VAV1: variants seen among roughly 807,000 people sequenced by gnomAD.
VAV1 encodes vav guanine nucleotide exchange factor 1.
Under a neutral mutation model 128.1 loss-of-function variants are expected in VAV1, and 33 were observed. That is an observed-to-expected ratio of 0.26 (90% confidence interval 0.20 to 0.34). The LOEUF (loss-of-function observed/expected upper bound fraction) is 0.34, where lower values mean the gene tolerates loss of function less well. VAV1 is among the 10% of genes least tolerant of loss of function. VAV1 has a pLI of 1.00. For synonymous variants in VAV1, 394 were observed against 409.8 expected (o/e 0.96, Z 0.47); for missense variants, 715 against 1,093.7 (o/e 0.65, Z 4.88).
intron 23 of VAV1, among the ~76,000 whole-genome samples, chr19:6,849,821 T>G (rs1972621208): frequency 6.6e-6 from 1 of 152,188 alleles, no homozygotes; most frequent in African/African-American, 2.4e-5. Flanking sequence ...CCACATTTTC[T>G]TATCCAGTCC....
intron 6 of VAV1, among the ~76,000 whole-genome samples, chr19:6,823,508 A>G (rs1234637240): frequency 6.6e-6 from 1 of 151,328 alleles, no homozygotes; most frequent in Non-Finnish European, 1.5e-5. Context: ...AGATACAAAT[A>G]TATATTTTAT....
At chr19:6,827,776 T>TC (rs1971954705) in intron 9 of VAV1, among the ~76,000 whole-genome samples, 2 of 151,394 alleles carry the variant, frequency 1.3e-5, no homozygotes, top group South Asian at 4.2e-4. Context: ...TTTTTTTTTT[T>TC]CATAGCAGAG....
At chr19:6,821,518 G>A in intron 2 of VAV1, 104 bp from the exon 3 acceptor site, 2 of 1,370,092 alleles carry the variant, frequency 1.5e-6, no homozygotes, top group Non-Finnish European at 2.1e-6. Context: ...AGGCTTCCAA[G>A]AGGCATGGGA....
At chr19:6,844,060 C>CTTTTTTTTTTTTT (rs1972449326) in intron 22 of VAV1, among the ~76,000 whole-genome samples, 1 of 18,798 alleles carries the variant, frequency 5.3e-5, no homozygotes, top group African/African-American at 1.8e-4. Flanking sequence ...TCTTCTTCTT[C>CTTTTTTTTTTTTT]TTCTTTTTTT....
chr19:6,809,662 A>G (rs1011092547), intron 1 of VAV1, among the ~76,000 whole-genome samples: 6 of 152,144 alleles, frequency 3.9e-5, no homozygotes, highest in Non-Finnish European at 8.8e-5. Flanking sequence ...GGAGATTGAC[A>G]TGGTTAGATT....
chr19:6,814,694 T>TTCTTTCTTTCTG (rs1971598196), intron 1 of VAV1, among the ~76,000 whole-genome samples: 2 of 127,730 alleles, frequency 1.6e-5, no homozygotes, highest in Admixed American at 1.7e-4. Flanking sequence ...CTTTCTTTCT[T>TTCTTTCTTTCTG]TCTTTCTTTC....
At chr19:6,810,493 C>T (rs1203454641) in intron 1 of VAV1, among the ~76,000 whole-genome samples, 1 of 151,976 alleles carries the variant, frequency 6.6e-6, no homozygotes, top group African/African-American at 2.4e-5. Context: ...CCCCTGAGGT[C>T]AGGAGTTCGA....
rs564114672 is a variant in VAV1, at chr19:6,802,203, G to A, written c.205-18499G>A. Among the ~76,000 whole-genome samples the A allele has an allele frequency of 1.2e-4, 19 of 152,154 alleles. 1 individual carries two copies. The East Asian group carries it at 3.7e-3, about 29-fold the overall frequency. Reference sequence around the variant, plus strand: ...AGGGGACTGTTGTGGGGTCGGGGAAGTGGGGAGGGATAACATTAGGAGATA... The same window carrying A: ...AGGGGACTGTTGTGGGGTCGGGGAAATGGGGAGGGATAACATTAGGAGATA... On this transcript the variant is annotated intron_variant, in intron 1 of 26. Transcript: ENST00000602142.
chr19:6,788,114 C>T (rs1970936530), intron 1 of VAV1, among the ~76,000 whole-genome samples: 1 of 151,756 alleles, frequency 6.6e-6, no homozygotes. Flanking sequence ...TTAAAACATT[C>T]AATGGAGATG....
At chr19:6,819,809 T>C (rs923652813) in intron 1 of VAV1, among the ~76,000 whole-genome samples, 2 of 152,204 alleles carry the variant, frequency 1.3e-5, no homozygotes, top group Non-Finnish European at 2.9e-5. Context: ...CAGAGAGTGC[T>C]GAACCTGTTG....
chr19:6,847,587 G>C (rs935589458), intron 22 of VAV1, among the ~76,000 whole-genome samples: 6 of 152,222 alleles, frequency 3.9e-5, no homozygotes, highest in Admixed American at 6.5e-5. Flanking sequence ...TGATGACTAG[G>C]TTTTTTGGCT....
At chr19:6,836,381 G>T in intron 19 of VAV1, 51 bp from the exon 20 acceptor site, 1 of 1,574,328 alleles carries the variant, frequency 6.4e-7, no homozygotes, top group Non-Finnish European at 8.7e-7. Context: ...CAAGATTCAG[G>T]GTTGAAAGTT....
At chr19:6,839,962 G>A (rs1021278591) in intron 21 of VAV1, among the ~76,000 whole-genome samples, 1 of 152,206 alleles carries the variant, frequency 6.6e-6, no homozygotes, top group Admixed American at 6.5e-5. Flanking sequence ...AAAGTGCTGG[G>A]ATTACAGGCC....
intron 21 of VAV1, among the ~76,000 whole-genome samples, chr19:6,839,615 T>C (rs1972321987): frequency 6.6e-6 from 1 of 152,082 alleles, no homozygotes; most frequent in Non-Finnish European, 1.5e-5. Flanking sequence ...TAGAACTAGG[T>C]AGAGGCGGTG....
At chr19:6,791,001 G>A (rs1211450980) in intron 1 of VAV1, among the ~76,000 whole-genome samples, 2 of 152,160 alleles carry the variant, frequency 1.3e-5, no homozygotes, top group Non-Finnish European at 2.9e-5. Flanking sequence ...CTCCAGAGTC[G>A]AGTCCTGCCT....
intron 14 of VAV1, 81 bp downstream of exon 14, chr19:6,829,999 G>T (rs1972017054): frequency 1.3e-6 from 2 of 1,595,492 alleles, no homozygotes; most frequent in Non-Finnish European, 1.7e-6. Context: ...GTGCCTGTTT[G>T]CCAGACTACA....
intron 1 of VAV1, among the ~76,000 whole-genome samples, chr19:6,814,675 T>TTCCTTCCGTCCTTC: frequency 1.3e-5 from 1 of 77,178 alleles, no homozygotes; most frequent in South Asian, 4.4e-4. Flanking sequence ...TTCCTTCCTT[T>TTCCTTCCGTCCTTC]CTTTCTTTCT....
At chr19:6,812,099 G>T (rs1179552647) in intron 1 of VAV1, among the ~76,000 whole-genome samples, 1 of 152,222 alleles carries the variant, frequency 6.6e-6, no homozygotes, top group Non-Finnish European at 1.5e-5. Context: ...CCACATGCAA[G>T]GAGAGATGGG....
chr19:6,849,025 C>T (rs1972598532), intron 23 of VAV1, among the ~76,000 whole-genome samples: 1 of 151,660 alleles, frequency 6.6e-6, no homozygotes, highest in African/African-American at 2.4e-5. Context: ...ATACTCCTGA[C>T]CTTCAAACAT....
Sources: gnomAD v4.1 joint callset for allele counts (sites outside exome capture counted in the v4.1 genomes callset) on GRCh38, gnomAD v4.1.1 for gene constraint, MANE v1.5 for transcripts, NCBI Gene and HGNC (gene_info 2026-07-23, HGNC 2026-07-21) for gene names.